KCNK13: variants seen among roughly 807,000 people sequenced by gnomAD.
KCNK13 encodes the protein potassium two pore domain channel subfamily K member 13, also known as potassium channel subfamily K member 13.
In KCNK13, 12 loss-of-function variants were observed where a neutral mutation model predicts 23.4. The observed-to-expected ratio is 0.51, with a 90% CI of 0.33 to 0.83. KCNK13 has a LOEUF of 0.83. KCNK13 is among the 40% of genes least tolerant of loss of function. The pLI is 0.02. For missense variants in KCNK13, 463 were observed against 556.3 expected (o/e 0.83, Z 1.69); for synonymous variants, 231 against 229.5 (o/e 1.01, Z -0.06).
intron 1 of KCNK13, among the ~76,000 whole-genome samples, chr14:90,104,547 C>T (rs1310142090): frequency 1.3e-5 from 2 of 152,114 alleles, no homozygotes; most frequent in African/African-American, 4.8e-5. Context: ...ATAATAGTAT[C>T]TTTTTTATGT....
At chr14:90,140,498 TG>T (rs1174276153) in intron 1 of KCNK13, among the ~76,000 whole-genome samples, 1 of 152,202 alleles carries the variant, frequency 6.6e-6, no homozygotes, top group Non-Finnish European at 1.5e-5. Flanking sequence ...GGCTGGGGAC[TG>T]TGAGTCATCA....
At chr14:90,135,775 T>G (rs1596793453) in intron 1 of KCNK13, among the ~76,000 whole-genome samples, 2 of 152,198 alleles carry the variant, frequency 1.3e-5, no homozygotes, top group East Asian at 3.9e-4. Flanking sequence ...TTTTCATTTC[T>G]GGTTGAGTGT....
intron 1 of KCNK13, among the ~76,000 whole-genome samples, chr14:90,165,937 C>G (rs943904747): frequency 5.9e-5 from 9 of 152,184 alleles, no homozygotes; most frequent in African/African-American, 1.2e-4. Context: ...CTGATGCACT[C>G]TGATTCCCAT....
At chr14:90,124,846 A>G (rs865881086) in intron 1 of KCNK13, among the ~76,000 whole-genome samples, 6 of 152,246 alleles carry the variant, frequency 3.9e-5, no homozygotes, top group African/African-American at 1.4e-4. Context: ...ACTCTGAAAA[A>G]TACAATAAGA....
intron 1 of KCNK13, among the ~76,000 whole-genome samples, chr14:90,173,888 A>G (rs1001206199): frequency 1.3e-5 from 2 of 152,180 alleles, no homozygotes; most frequent in Non-Finnish European, 2.9e-5. Context: ...GGTTTAATTG[A>G]CTCACAGTTC....
chr14:90,090,064 G>T (rs1454071960), intron 1 of KCNK13, among the ~76,000 whole-genome samples: 2 of 151,936 alleles, frequency 1.3e-5, no homozygotes, highest in Non-Finnish European at 2.9e-5. Flanking sequence ...CCTACTGGGG[G>T]CCCCTACTGG....
intron 1 of KCNK13, among the ~76,000 whole-genome samples, chr14:90,168,830 G>A (rs1170281843): frequency 6.6e-6 from 1 of 152,188 alleles, no homozygotes; most frequent in Non-Finnish European, 1.5e-5. Flanking sequence ...ATCCCCACGT[G>A]TTAAGGGTGG....
At chr14:90,132,177 G>T (rs1026939880) in intron 1 of KCNK13, among the ~76,000 whole-genome samples, 1 of 152,238 alleles carries the variant, frequency 6.6e-6, no homozygotes, top group Non-Finnish European at 1.5e-5. Context: ...AAATAAGCCA[G>T]TCACGAAAGG....
At chr14:90,096,317 A>G (rs999716915) in intron 1 of KCNK13, among the ~76,000 whole-genome samples, 2 of 152,124 alleles carry the variant, frequency 1.3e-5, no homozygotes, top group African/African-American at 4.8e-5. Context: ...TTCTGAAACT[A>G]CCTAGGGGCT....
intron 1 of KCNK13, among the ~76,000 whole-genome samples, chr14:90,080,508 C>T (rs911443171): frequency 6.6e-6 from 1 of 151,766 alleles, no homozygotes; most frequent in Non-Finnish European, 1.5e-5. Context: ...GTATGACGCT[C>T]AGGAAAGAGG....
chr14:90,098,422 T>G (rs1889436509), intron 1 of KCNK13, among the ~76,000 whole-genome samples: 1 of 152,190 alleles, frequency 6.6e-6, no homozygotes, highest in Non-Finnish European at 1.5e-5. Context: ...TGTGGTCACA[T>G]CACAGAAAGT....
At chr14:90,151,230 A>G (rs1234560233) in intron 1 of KCNK13, among the ~76,000 whole-genome samples, 1 of 152,132 alleles carries the variant, frequency 6.6e-6, no homozygotes, top group Non-Finnish European at 1.5e-5. Flanking sequence ...AGAGCCTCAA[A>G]AGTAACCTAT....
chr14:90,130,028 C>A (rs537934319), intron 1 of KCNK13, among the ~76,000 whole-genome samples: 200 of 152,196 alleles, frequency 1.3e-3, no homozygotes, highest in Non-Finnish European at 2.5e-3. Context: ...CATGTTTTGT[C>A]TGTTCTTTCA....
rs200915769 is a variant in KCNK13, at chr14:90,144,491, T to TTC, written c.335-39616_335-39615dup. 2.6e-5 allele frequency among the ~76,000 whole-genome samples: 2 copies of TTC among 76,178 alleles called. 1 individual carries two copies. Among genetic ancestry groups the TTC allele is most frequent in the African/African-American group, 1.2e-4 (2 of 16,882 alleles). The allele number at this position is 76,178 out of a possible 152,430, so 50.0% of individuals were successfully genotyped here. A position where few individuals can be genotyped will look rare whatever the true frequency, so the allele number is the denominator to read the frequency against. On this transcript the variant is annotated intron_variant, in intron 1 of 1. Transcript: ENST00000282146. ...TACTGAGAATGAAGGCTGTTTTACT[T>TTC]TCTCTTTTTTTTTTTTTTTTTGTGA...
chr14:90,121,300 G>A (rs1425060654), intron 1 of KCNK13, among the ~76,000 whole-genome samples: 1 of 152,216 alleles, frequency 6.6e-6, no homozygotes, highest in Non-Finnish European at 1.5e-5. Flanking sequence ...AACAGGGATA[G>A]AAGAGAAGTT....
chr14:90,127,666 A>G (rs922741340), intron 1 of KCNK13, among the ~76,000 whole-genome samples: 1 of 151,530 alleles, frequency 6.6e-6, no homozygotes, highest in African/African-American at 2.4e-5. Context: ...AAAAAAAGAA[A>G]AAATGAGTGA....
chr14:90,183,976 C>T (rs1299846627), intron 1 of KCNK13, 135 bp from the exon 2 acceptor site: 7 of 769,362 alleles, frequency 9.1e-6, no homozygotes, highest in Non-Finnish European at 1.5e-5. Context: ...TTCTCCTGCT[C>T]ATTCCTAGAA....
At position 90,128,244 on chromosome 14, in the gene KCNK13, C is replaced by T. The variant is rs572215111; in HGVS notation, c.335-55867C>T. Among the ~76,000 whole-genome samples, 171 of 152,184 alleles carry T rather than the reference C, an allele frequency of 1.1e-3. 1 individual carries two copies. Among genetic ancestry groups the T allele is most frequent in the Non-Finnish European group, 2.1e-3 (145 of 68,002 alleles). On this transcript the variant is annotated intron_variant, in intron 1 of 1. Transcript: ENST00000282146. ...TCAGTTGAAATGTATTCTTTCATTC[C>T]GGGAAAGATTTACAATTTTCTAAGC...
chr14:90,081,835 A>G (rs1194872729), intron 1 of KCNK13, among the ~76,000 whole-genome samples: 3 of 152,180 alleles, frequency 2.0e-5, no homozygotes, highest in African/African-American at 4.8e-5. Context: ...TGATGAGGAC[A>G]TTAAGATCCA....
Sources: allele counts gnomAD v4.1 joint callset (sites outside exome capture counted in the v4.1 genomes callset), GRCh38; gene constraint gnomAD v4.1.1; transcripts MANE v1.5; gene names NCBI Gene and HGNC (gene_info 2026-07-23, HGNC 2026-07-21).